Variants in GABRG3 observed in about 807,000 individuals in gnomAD.
The protein encoded by GABRG3 is gamma-aminobutyric acid receptor subunit gamma-3.
Under a neutral mutation model 48.8 loss-of-function variants are expected in GABRG3, and 25 were observed. That is an observed-to-expected ratio of 0.51 (90% CI 0.37 to 0.72). GABRG3 has a LOEUF of 0.72. Among genes scored for constraint, GABRG3 ranks in the 30% least tolerant of loss-of-function variants. The pLI is 0.00. For missense variants in GABRG3, 394 were observed against 577.9 expected (o/e 0.68, Z 3.26); for synonymous variants, 227 against 217.6 (o/e 1.04, Z -0.38).
chr15:27,256,304 G>A (rs1386506287), intron 3 of GABRG3, among the ~76,000 whole-genome samples: 6 of 152,028 alleles, frequency 3.9e-5, no homozygotes, highest in South Asian at 2.1e-4. Flanking sequence ...AGCCGGGTGC[G>A]ATGGAGGGCG....
intron 2 of GABRG3, among the ~76,000 whole-genome samples, chr15:26,980,441 G>T (rs1160247127): frequency 1.3e-5 from 2 of 152,024 alleles, no homozygotes; most frequent in Non-Finnish European, 2.9e-5. Context: ...ACTTTGGGAG[G>T]CTAAGGCAGG....
intron 5 of GABRG3, among the ~76,000 whole-genome samples, chr15:27,373,651 C>T (rs1378543171): frequency 6.6e-6 from 1 of 152,114 alleles, no homozygotes; most frequent in Non-Finnish European, 1.5e-5. Context: ...AATTCAATTA[C>T]TAAAAAAAAA....
intron 5 of GABRG3, among the ~76,000 whole-genome samples, chr15:27,388,361 GAAGGAAGA>G (rs1165386122): frequency 0.016 from 461 of 29,134 alleles, 69 homozygotes; most frequent in East Asian, 0.033. Context: ...GGTAAGGAAG[GAAGGAAGA>G]AAGGAAGGAA....
At chr15:27,051,469 G>T (rs549879361) in intron 3 of GABRG3, among the ~76,000 whole-genome samples, 80 of 152,292 alleles carry the variant, frequency 5.3e-4, no homozygotes, top group Non-Finnish European at 8.1e-4. Flanking sequence ...TAACTCCCAA[G>T]GTGGTGATAT....
intron 3 of GABRG3, among the ~76,000 whole-genome samples, chr15:27,248,767 A>AACAC (rs150140195): frequency 0.032 from 3,700 of 116,888 alleles, 109 homozygotes; most frequent in East Asian, 0.072. Flanking sequence ...TGAGAAGGAA[A>AACAC]ACACACACAC....
rs116709228 is a variant in GABRG3 at position 27,425,244 on chromosome 15, C to T, written c.575-55406C>T. Among the ~76,000 whole-genome samples, 737 of 152,172 alleles carry T rather than the reference C, an allele frequency of 4.8e-3. 2 individuals are homozygous for T. The highest frequency in any genetic ancestry group is 0.017 in the African/African-American group (714 of 41,520). On this transcript the variant is annotated intron_variant, in intron 5 of 9. Coordinates refer to ENST00000615808, the MANE Select transcript of GABRG3 (RefSeq NM_033223.5). ...GTCTGCATTTTTTGCTGTATAGACT[C>T]TAACCATGAGTATAAGTGGCTTGAC...
chr15:27,483,851 C>T (rs1398091060), intron 6 of GABRG3, among the ~76,000 whole-genome samples: 1 of 152,220 alleles, frequency 6.6e-6, no homozygotes, highest in African/African-American at 2.4e-5. Flanking sequence ...TTTATGCCTT[C>T]CTCAGCTATT....
At chr15:27,446,873 G>A (rs2140637968) in intron 5 of GABRG3, among the ~76,000 whole-genome samples, 1 of 152,230 alleles carries the variant, frequency 6.6e-6, no homozygotes, top group African/African-American at 2.4e-5. Context: ...GGCATTCTGT[G>A]AGAATACACA....
intron 5 of GABRG3, among the ~76,000 whole-genome samples, chr15:27,351,053 G>GGTGT (rs199877040): frequency 6.7e-6 from 1 of 149,106 alleles, no homozygotes; most frequent in Non-Finnish European, 1.5e-5. Flanking sequence ...ATGTGCATAT[G>GGTGT]GTGTGTGTGT....
intron 3 of GABRG3, among the ~76,000 whole-genome samples, chr15:27,226,840 C>T (rs1386766069): frequency 2.6e-5 from 4 of 152,220 alleles, no homozygotes; most frequent in Admixed American, 6.5e-5. Flanking sequence ...CTAGTACTCA[C>T]TTTACTCTCT....
intron 7 of GABRG3, among the ~76,000 whole-genome samples, chr15:27,525,402 C>T (rs900482557): frequency 6.6e-6 from 1 of 152,130 alleles, no homozygotes; most frequent in Non-Finnish European, 1.5e-5. Context: ...TTGTGCTTTC[C>T]CCAAAGAGGA....
chr15:27,516,233 A>T (rs1380309699), intron 6 of GABRG3, among the ~76,000 whole-genome samples: 2 of 152,140 alleles, frequency 1.3e-5, no homozygotes, highest in African/African-American at 2.4e-5. Context: ...AAAGGTCTTT[A>T]AATGTACCAT....
intron 3 of GABRG3, among the ~76,000 whole-genome samples, chr15:27,222,642 C>T (rs891007734): frequency 2.0e-5 from 3 of 152,162 alleles, no homozygotes; most frequent in African/African-American, 7.2e-5. Context: ...TGCACAACCC[C>T]AAGAGAGGAG....
At chr15:27,174,485 G>T (rs1411944566) in intron 3 of GABRG3, among the ~76,000 whole-genome samples, 1 of 152,034 alleles carries the variant, frequency 6.6e-6, no homozygotes, top group Admixed American at 6.5e-5. Flanking sequence ...TATTGTACAG[G>T]AAAGGGAGGA....
At chr15:27,308,300 TC>T (rs549679763) in intron 3 of GABRG3, among the ~76,000 whole-genome samples, 1,296 of 115,466 alleles carry the variant, frequency 0.011, 70 homozygotes, top group African/African-American at 0.059. Flanking sequence ...TATATAAACA[TC>T]ATATAAACAT....
rs1891464730 is a variant in GABRG3, at chr15:27,532,946, C to T, written c.*65C>T. On this transcript the variant is annotated 3_prime_UTR_variant, in exon 10 of 10. Transcript: ENST00000615808. ...ACTTGACCTTCTGTCGTCCCCAGACCAGTAGTGACCAATCGGGAGTAGCAA... is the reference window on the plus strand; with the variant it reads ...ACTTGACCTTCTGTCGTCCCCAGACTAGTAGTGACCAATCGGGAGTAGCAA... 6.7e-7 allele frequency: 1 copy of T among 1,484,704 alleles called. No homozygotes were observed. Among genetic ancestry groups the T allele is most frequent in the Non-Finnish European group, 9.2e-7 (1 of 1,090,646 alleles). The allele number at this position is 1,484,704 out of a possible 1,614,324, so 92.0% of individuals were successfully genotyped here. A position where few individuals can be genotyped will look rare whatever the true frequency, so the allele number is the denominator to read the frequency against.
intron 5 of GABRG3, among the ~76,000 whole-genome samples, chr15:27,446,158 A>G (rs926304939): frequency 1.1e-4 from 17 of 152,172 alleles, no homozygotes; most frequent in Non-Finnish European, 2.4e-4. Flanking sequence ...TTTTAGAATA[A>G]TCTTGTCCAT....
At chr15:27,416,710 C>T (rs1368105108) in intron 5 of GABRG3, among the ~76,000 whole-genome samples, 1 of 152,100 alleles carries the variant, frequency 6.6e-6, no homozygotes, top group Non-Finnish European at 1.5e-5. Flanking sequence ...GCACTGGTTC[C>T]CACAGAGGTT....
intron 3 of GABRG3, among the ~76,000 whole-genome samples, chr15:27,316,260 C>T (rs1307226689): frequency 7.3e-5 from 11 of 150,798 alleles, no homozygotes; most frequent in Admixed American, 2.0e-4. Context: ...TAGTGGCGGG[C>T]GCCTGTAGTC....
Sources: allele counts gnomAD v4.1 joint callset (sites outside exome capture counted in the v4.1 genomes callset), GRCh38; gene constraint gnomAD v4.1.1; transcripts MANE v1.5; gene names NCBI Gene and HGNC (gene_info 2026-07-23, HGNC 2026-07-21).